LRRC2: variants seen among roughly 807,000 people sequenced by gnomAD.
LRRC2 encodes leucine rich repeat containing 2.
A neutral mutation model predicts 40.2 loss-of-function variants in LRRC2; 27 were observed. The observed-to-expected ratio is 0.67, with a 90% confidence interval of 0.49 to 0.93. The LOEUF (loss-of-function observed/expected upper bound fraction) is 0.93. Ranked by LOEUF, LRRC2 falls within the 40% of genes least tolerant of loss-of-function variation. The pLI is 0.00. For missense variants in LRRC2, 402 were observed against 439.6 expected, an observed-to-expected ratio of 0.91 and a Z score of 0.76; for synonymous variants, 147 against 158.9, an observed-to-expected ratio of 0.92 and a Z score of 0.56.
In LRRC2 at chr3:46,551,301, G is replaced by A. The variant is rs141793166; in HGVS notation, c.125+166C>T. The A allele has an allele frequency of 7.2e-4, 516 of 716,912 alleles. 3 individuals carry two copies. The East Asian group carries it at 0.013, about 18-fold the overall frequency. The allele number at this position is 716,912 out of a possible 1,614,324, so 44.4% of individuals were successfully genotyped here. The stretch of plus-strand genomic sequence containing the variant: ...TGGGTGTTGCTATCATAGGAACTGC[G>A]TATTTGTACTGAGCAACAGTGTAAG... On this transcript the variant is annotated intron_variant, in intron 2 of 8. Coordinates refer to ENST00000395905, the MANE Select transcript of LRRC2 (RefSeq NM_024512.5).
intron 2 of LRRC2, among the ~76,000 whole-genome samples, chr3:46,550,374 C>T (rs56255642): frequency 1.5e-5 from 2 of 136,562 alleles, no homozygotes; most frequent in African/African-American, 5.6e-5. Flanking sequence ...ACACCTTACA[C>T]ATCTTTTTTT....
chr3:46,530,922 G>A (rs1704147957), intron 5 of LRRC2, among the ~76,000 whole-genome samples: 1 of 152,076 alleles, frequency 6.6e-6, no homozygotes. Context: ...CTATAAGAGA[G>A]TTAGAGTGAC....
chr3:46,543,867 T>C (rs1384063740), intron 3 of LRRC2, among the ~76,000 whole-genome samples: 2 of 152,048 alleles, frequency 1.3e-5, no homozygotes, highest in South Asian at 2.1e-4. Flanking sequence ...ATGATGGGGA[T>C]GCAAGGGAAA....
rs767103915 is a variant in LRRC2, at chr3:46,545,207, T to G, written c.172A>C (p.Ile58Leu). ...NFVAECRRKG[I>L]PQAVYCKNGF... ...TTCTTGCAGTATACAGCCTGGGGGATGCCCTTCCTCCTGCATTCGGCCACA... is the reference window on the plus strand; with the variant it reads ...TTCTTGCAGTATACAGCCTGGGGGAGGCCCTTCCTCCTGCATTCGGCCACA... Residue 58 changes from isoleucine (I) to leucine (L), a missense_variant, in exon 3 of 9, where the codon ATC becomes CTC. Physicochemically the swap from Ile to Leu is conservative, Grantham distance 5. Coordinates refer to ENST00000395905, the MANE Select transcript of LRRC2 (RefSeq NM_024512.5). 35 of 1,614,094 alleles carry G rather than the reference T, an allele frequency of 2.2e-5. No homozygotes were observed. Among genetic ancestry groups the G allele is most frequent in the Non-Finnish European group, 3.0e-5 (35 of 1,180,044 alleles).
rs573224103 is a variant in LRRC2 at position 46,556,113 on chromosome 3, T to C, written c.-19-4503A>G. Among the ~76,000 whole-genome samples the C allele has an allele frequency of 1.3e-3, 192 of 148,750 alleles. 1 individual carries two copies. The highest frequency in any genetic ancestry group is 3.8e-3 in the Admixed American group (56 of 14,816). ...CATCATTTTTCTCTTGCTACTTTCT[T>C]TTTTTTTTTTCTTTCCCCCTTCCAA... On this transcript the variant is annotated intron_variant, in intron 1 of 8. Transcript: ENST00000395905.
chr3:46,550,634 G>T (rs545401511), intron 2 of LRRC2, among the ~76,000 whole-genome samples: 1 of 152,084 alleles, frequency 6.6e-6, no homozygotes, highest in Non-Finnish European at 1.5e-5. Flanking sequence ...CTTGTGATCC[G>T]CCTGCCTCGG....
intron 6 of LRRC2, 79 bp from the exon 7 acceptor site, chr3:46,527,660 C>A: frequency 2.4e-6 from 3 of 1,241,670 alleles, no homozygotes; most frequent in Middle Eastern, 1.9e-4. Context: ...CAAATAAATT[C>A]TAACAGGAAG....
rs1439662537 is a variant in LRRC2, at chr3:46,516,327, C to T, written c.*2687G>A. On this transcript the variant is annotated 3_prime_UTR_variant, in exon 9 of 9. Coordinates refer to ENST00000395905, the MANE Select transcript of LRRC2 (RefSeq NM_024512.5). Reference sequence around the variant, plus strand: ...AAGCAGTCCTCCACCAAAGCACTACCATGTGGTTTTAGAATGCTCTGCCTG... The same window carrying T: ...AAGCAGTCCTCCACCAAAGCACTACTATGTGGTTTTAGAATGCTCTGCCTG... 6.6e-6 allele frequency: 1 copy of T among 151,926 alleles called. No homozygotes were observed. Among genetic ancestry groups the T allele is most frequent in the Non-Finnish European group, 1.5e-5 (1 of 68,004 alleles). 9.4% of individuals were successfully genotyped at this position (151,926 alleles called of 1,614,324 possible).
At chr3:46,528,479 T>C (rs1704098302) in intron 6 of LRRC2, among the ~76,000 whole-genome samples, 1 of 152,144 alleles carries the variant, frequency 6.6e-6, no homozygotes, top group African/African-American at 2.4e-5. Flanking sequence ...TCTCATTACG[T>C]CTTCCAACTT....
chr3:46,520,684 C>G (rs1171269906), intron 8 of LRRC2, among the ~76,000 whole-genome samples: 1 of 152,232 alleles, frequency 6.6e-6, no homozygotes, highest in Non-Finnish European at 1.5e-5. Context: ...AGCCTGCCCA[C>G]AGATGCTCAT....
chr3:46,518,848 G>A lies in LRRC2; in HGVS notation c.*166C>T, dbSNP rs931187435. 3.4e-6 allele frequency: 2 copies of A among 583,492 alleles called. No homozygotes were observed. Among genetic ancestry groups the A allele is most frequent in the Non-Finnish European group, 6.1e-6 (2 of 326,930 alleles). 36.1% of individuals were successfully genotyped at this position (583,492 alleles called of 1,614,324 possible). A position where few individuals can be genotyped will look rare whatever the true frequency, so the allele number is the denominator to read the frequency against. On this transcript the variant is annotated 3_prime_UTR_variant, in exon 9 of 9. Coordinates refer to ENST00000395905, the MANE Select transcript of LRRC2 (RefSeq NM_024512.5). ...TTCAATTCTCCAGTCCATGGAGGGAGATACTCATGTATTTGACATTTGAAA... is the reference window on the plus strand; with the variant it reads ...TTCAATTCTCCAGTCCATGGAGGGAAATACTCATGTATTTGACATTTGAAA...
chr3:46,524,309 T>C (rs554464177), intron 7 of LRRC2, among the ~76,000 whole-genome samples: 1 of 152,308 alleles, frequency 6.6e-6, no homozygotes, highest in South Asian at 2.1e-4. Flanking sequence ...TGGGGTCTTT[T>C]CTCCAGGCTA....
intron 2 of LRRC2, 54 bp from the exon 3 acceptor site, chr3:46,545,307 G>A (rs1260491487): frequency 6.5e-7 from 1 of 1,530,062 alleles, no homozygotes; most frequent in Non-Finnish European, 9.0e-7. Flanking sequence ...GCCATCACCT[G>A]CCTAGAGAAG....
chr3:46,551,275 A>G, intron 2 of LRRC2, 192 bp downstream of exon 2: 2 of 519,154 alleles, frequency 3.9e-6, no homozygotes, highest in South Asian at 8.1e-5. Context: ...CCTTATAACC[A>G]TGGGTGTTGC....
chr3:46,540,613 A>C (rs1217867729), intron 3 of LRRC2, among the ~76,000 whole-genome samples: 1 of 152,174 alleles, frequency 6.6e-6, no homozygotes, highest in Non-Finnish European at 1.5e-5. Context: ...AATCACTTAC[A>C]GTAAGGATCC....
chr3:46,547,314 C>T (rs937884805), intron 2 of LRRC2, among the ~76,000 whole-genome samples: 5 of 152,118 alleles, frequency 3.3e-5, no homozygotes, highest in African/African-American at 1.2e-4. Context: ...GGAAAACCAC[C>T]CAGCAATCCA....
At chr3:46,537,859 AG>A (rs1704299594) in intron 4 of LRRC2, among the ~76,000 whole-genome samples, 6 of 152,230 alleles carry the variant, frequency 3.9e-5, no homozygotes, top group Admixed American at 3.9e-4. Context: ...CTTACAGCTA[AG>A]TTTACCAAGC....
At chr3:46,538,217 A>T (rs948282210) in intron 4 of LRRC2, among the ~76,000 whole-genome samples, 3 of 152,224 alleles carry the variant, frequency 2.0e-5, no homozygotes, top group East Asian at 1.9e-4. Context: ...ATGGAGCTCC[A>T]TGCAGCTCCA....
At chr3:46,531,256 G>A (rs931400168) in intron 5 of LRRC2, among the ~76,000 whole-genome samples, 3 of 151,928 alleles carry the variant, frequency 2.0e-5, no homozygotes, top group African/African-American at 7.3e-5. Flanking sequence ...CCTGGGAGTG[G>A]GAATGGGGAT....
Sources: allele counts gnomAD v4.1 joint callset (sites outside exome capture counted in the v4.1 genomes callset), GRCh38; gene constraint gnomAD v4.1.1; transcripts MANE v1.5; gene names NCBI Gene and HGNC (gene_info 2026-07-23, HGNC 2026-07-21).